CERS6: variants seen among roughly 807,000 people sequenced by gnomAD.
CERS6 encodes the protein ceramide synthase 6.
A neutral mutation model predicts 56.8 loss-of-function variants in CERS6; 26 were observed. The ratio of observed to expected loss-of-function variants is 0.46; its 90% confidence interval spans 0.34 to 0.63. CERS6 has a LOEUF of 0.63. Among genes scored for constraint, CERS6 ranks in the 30% least tolerant of loss-of-function variants. CERS6 has a pLI of 0.01. For synonymous variants in CERS6, 164 were observed against 173.3 expected, an observed-to-expected ratio of 0.95 and a Z score of 0.42; for missense variants, 415 against 467.5, an observed-to-expected ratio of 0.89 and a Z score of 1.04.
intron 4 of CERS6, among the ~76,000 whole-genome samples, chr2:168,638,606 A>G (rs1684916522): frequency 6.6e-6 from 1 of 152,220 alleles, no homozygotes; most frequent in Admixed American, 6.5e-5. Flanking sequence ...GCCCAGAATA[A>G]ATTAAAAACT....
intron 4 of CERS6, among the ~76,000 whole-genome samples, chr2:168,648,303 T>G (rs187916871): frequency 3.3e-5 from 5 of 152,274 alleles, no homozygotes; most frequent in Admixed American, 6.5e-5. Flanking sequence ...CTAGTTTGTG[T>G]GCGCAAAGGT....
intron 6 of CERS6, among the ~76,000 whole-genome samples, chr2:168,697,870 A>G (rs945386892): frequency 6.6e-6 from 1 of 152,194 alleles, no homozygotes; most frequent in African/African-American, 2.4e-5. Flanking sequence ...ACATTGCTAT[A>G]CCAAAAGTTA....
At chr2:168,647,347 T>C (rs1210155025) in intron 4 of CERS6, among the ~76,000 whole-genome samples, 1 of 152,208 alleles carries the variant, frequency 6.6e-6, no homozygotes, top group Non-Finnish European at 1.5e-5. Flanking sequence ...ATAGGAATGC[T>C]AGTGATTTTT....
intron 8 of CERS6, among the ~76,000 whole-genome samples, chr2:168,759,756 C>G (rs1207805532): frequency 6.6e-6 from 1 of 152,046 alleles, no homozygotes; most frequent in Non-Finnish European, 1.5e-5. Context: ...TTATGCAGAA[C>G]AGTTTACAAC....
intron 4 of CERS6, among the ~76,000 whole-genome samples, chr2:168,648,620 GT>G (rs1355210191): frequency 1.3e-5 from 2 of 152,162 alleles, no homozygotes; most frequent in Non-Finnish European, 2.9e-5. Context: ...ATGTTAGGTT[GT>G]TAATTTTAGA....
intron 2 of CERS6, among the ~76,000 whole-genome samples, chr2:168,553,084 A>T (rs1390158470): frequency 1.3e-5 from 2 of 152,186 alleles, no homozygotes; most frequent in East Asian, 1.9e-4. Flanking sequence ...GAAAAGTACC[A>T]AATCCATCAC....
At chr2:168,712,190 T>C (rs1687108171) in intron 6 of CERS6, among the ~76,000 whole-genome samples, 2 of 152,162 alleles carry the variant, frequency 1.3e-5, no homozygotes, top group Admixed American at 6.6e-5. Flanking sequence ...TCCTTCCCCT[T>C]GGGTAGAAGA....
rs1311326918 is a variant in CERS6, at chr2:168,456,868, C to G, written c.170+250C>G. Among the ~76,000 whole-genome samples the G allele has an allele frequency of 6.6e-6, 1 of 152,218 alleles. No individual in the cohort carries two copies. Among genetic ancestry groups the G allele is most frequent in the Non-Finnish European group, 1.5e-5 (1 of 68,042 alleles). ...CGCGGAGCGTTAGGGTCGCCCCCTGCCCTCCTCCTGGGCCCTGCTCTCCTC... is the reference window on the plus strand; with the variant it reads ...CGCGGAGCGTTAGGGTCGCCCCCTGGCCTCCTCCTGGGCCCTGCTCTCCTC... On this transcript the variant is annotated intron_variant, in intron 1 of 9. Transcript: ENST00000305747. This position sits in a 1 kb window ranked among gnomAD's most constrained non-coding sequence, Gnocchi z 4.1.
intron 1 of CERS6, among the ~76,000 whole-genome samples, chr2:168,530,122 G>C (rs947485219): frequency 1.3e-5 from 2 of 152,234 alleles, no homozygotes; most frequent in African/African-American, 4.8e-5. Context: ...AGAGTGCCGA[G>C]GGGTATGGTT....
In CERS6 at chr2:168,743,200, A is replaced by ATG. The variant is rs202078463; in HGVS notation, c.846-22391_846-22390insGT. On this transcript the variant is annotated intron_variant, in intron 8 of 9. Transcript: ENST00000305747. ...TGTGTGTATGTGTGTGTGTATATATATATGTGTGTGTGTATGTGTGTGTGT... is the reference window on the plus strand; with the variant it reads ...TGTGTGTATGTGTGTGTGTATATATATGTATGTGTGTGTGTATGTGTGTGTGT... Among the ~76,000 whole-genome samples, 419 of 143,106 alleles carry ATG rather than the reference A, an allele frequency of 2.9e-3. 12 individuals are homozygous for ATG. In the East Asian group the frequency reaches 0.076, roughly 26 times the overall value. 93.9% of individuals were successfully genotyped at this position (143,106 alleles called of 152,430 possible).
At chr2:168,606,306 C>G (rs1345771165) in intron 3 of CERS6, 1 of 152,178 alleles carries the variant, frequency 6.6e-6, no homozygotes, top group Non-Finnish European at 1.5e-5. Flanking sequence ...CTAATTTCTC[C>G]CTTTTGGAAT....
chr2:168,608,039 G>T (rs1002115616), intron 3 of CERS6, among the ~76,000 whole-genome samples: 3 of 152,186 alleles, frequency 2.0e-5, no homozygotes, highest in Non-Finnish European at 2.9e-5. Flanking sequence ...CAGGCCATAT[G>T]CTTTCACTCC....
intron 3 of CERS6, among the ~76,000 whole-genome samples, chr2:168,600,335 G>C (rs955634425): frequency 2.0e-5 from 3 of 151,976 alleles, no homozygotes; most frequent in Admixed American, 2.0e-4. Context: ...CTCCTGAGTA[G>C]CTGGGACTAC....
intron 3 of CERS6, among the ~76,000 whole-genome samples, chr2:168,563,658 G>A (rs4668075): frequency 0.82 from 125,234 of 151,984 alleles, 52,239 homozygotes; most frequent in South Asian, 0.95. Flanking sequence ...TTAGCCAGAT[G>A]TGGTGGCAGG....
intron 8 of CERS6, among the ~76,000 whole-genome samples, chr2:168,729,534 C>G (rs549833135): frequency 1.3e-5 from 2 of 152,340 alleles, no homozygotes; most frequent in African/African-American, 4.8e-5. Flanking sequence ...ATGTGCCTGT[C>G]CTTTGCCTTC....
intron 2 of CERS6, among the ~76,000 whole-genome samples, chr2:168,549,031 A>G (rs1695517387): frequency 6.6e-6 from 1 of 152,186 alleles, no homozygotes; most frequent in Non-Finnish European, 1.5e-5. Flanking sequence ...TAAGTGAAAC[A>G]ACTTTTTCCC....
At chr2:168,694,521 G>A (rs1195787307) in intron 5 of CERS6, among the ~76,000 whole-genome samples, 1 of 152,116 alleles carries the variant, frequency 6.6e-6, no homozygotes, top group African/African-American at 2.4e-5. Flanking sequence ...GATTAATGCA[G>A]AACTTAAATC....
At chr2:168,736,039 C>A (rs1006288717) in intron 8 of CERS6, among the ~76,000 whole-genome samples, 10 of 152,056 alleles carry the variant, frequency 6.6e-5, no homozygotes, top group African/African-American at 2.4e-4. Flanking sequence ...GACCCCATGA[C>A]CCCATCTCTA....
intron 1 of CERS6, among the ~76,000 whole-genome samples, chr2:168,471,899 A>T (rs1693984759): frequency 6.6e-6 from 1 of 152,206 alleles, no homozygotes; most frequent in African/African-American, 2.4e-5. Context: ...AAGAGGTTAC[A>T]CTTATCTTTG....
Sources: allele counts gnomAD v4.1 joint callset (sites outside exome capture counted in the v4.1 genomes callset), GRCh38; gene constraint gnomAD v4.1.1; non-coding constraint Gnocchi (gnomAD v3.1); transcripts MANE v1.5; gene names NCBI Gene and HGNC (gene_info 2026-07-23, HGNC 2026-07-21).